Variants in PTCRA observed in about 807,000 individuals in gnomAD.
The protein encoded by PTCRA is pre T-cell antigen receptor alpha.
A neutral mutation model predicts 13.4 loss-of-function variants in PTCRA; 9 were observed. That is an observed-to-expected ratio of 0.67 (90% CI 0.41 to 1.18). The LOEUF (loss-of-function observed/expected upper bound fraction) is 1.18. Among genes scored for constraint, PTCRA ranks in the 50% most tolerant of loss-of-function variants. PTCRA has a pLI of 0.01. For synonymous variants in PTCRA, 153 were observed against 161.9 expected (o/e 0.94, Z 0.42); for missense variants, 353 against 359.8 (o/e 0.98, Z 0.15).
chr6:42,924,288 C>T lies in PTCRA; in HGVS notation c.424+15C>T. 1.2e-6 allele frequency: 2 copies of T among 1,611,418 alleles called. No homozygotes were observed. The highest frequency in any genetic ancestry group is 2.2e-5 in the South Asian group (2 of 90,952). On this transcript the variant is annotated intron_variant, in intron 3 of 3. Transcript: ENST00000304672. Reference sequence around the variant, plus strand: ...GCCTCTCAGGGGTGAGTACTCCGGGCAAGGGGTGGGGAATAAGAGGCTGGG... The same window carrying T: ...GCCTCTCAGGGGTGAGTACTCCGGGTAAGGGGTGGGGAATAAGAGGCTGGG...
Sources: gnomAD v4.1 joint callset for allele counts on GRCh38, gnomAD v4.1.1 for gene constraint, MANE v1.5 for transcripts, NCBI Gene and HGNC (gene_info 2026-07-23, HGNC 2026-07-21) for gene names.